Variants in ELFN1 observed in about 807,000 individuals in gnomAD.
ELFN1 encodes protein ELFN1.
Under a neutral mutation model 7.6 loss-of-function variants are expected in ELFN1, and 6 were observed. That is an observed-to-expected ratio of 0.79 (90% CI 0.43 to 1.56). The LOEUF is 1.56. ELFN1 is among the 40% of genes most tolerant of loss of function. ELFN1 has a pLI of 0.01. For synonymous variants in ELFN1, 657 were observed against 588.1 expected (o/e 1.12, Z -1.70); for missense variants, 1,169 against 1,232.2 (o/e 0.95, Z 0.77).
chr7:1,727,377 T>C (rs577172544), intron 3 of ELFN1, among the ~76,000 whole-genome samples: 1 of 152,324 alleles, frequency 6.6e-6, no homozygotes, highest in African/African-American at 2.4e-5. Flanking sequence ...GAAGCTCAGC[T>C]GTTTCCAGAG....
intron 3 of ELFN1, among the ~76,000 whole-genome samples, chr7:1,731,435 TA>T (rs1043159725): frequency 6.6e-6 from 1 of 152,162 alleles, no homozygotes; most frequent in African/African-American, 2.4e-5. Context: ...CTGAAATTGG[TA>T]AAAGAAGAGA....
In ELFN1 at chr7:1,689,252, A is replaced by G. The variant is rs1404898362; in HGVS notation, c.-456+1102A>G. 3.9e-5 allele frequency among the ~76,000 whole-genome samples: 6 copies of G among 152,220 alleles called. 1 individual carries two copies. The highest frequency in any genetic ancestry group is 8.8e-5 in the Non-Finnish European group (6 of 68,036). The stretch of plus-strand genomic sequence containing the variant: ...ACTCAGCATACTGTATGTAGTGTGT[A>G]TATATGTGTGCATGCTCACGCATGT... On this transcript the variant is annotated intron_variant, in intron 2 of 3. Coordinates refer to ENST00000424383, the MANE Select transcript of ELFN1 (RefSeq NM_001128636.4).
At chr7:1,685,673 G>A (rs565065960) in intron 1 of ELFN1, among the ~76,000 whole-genome samples, 98 of 151,208 alleles carry the variant, frequency 6.5e-4, no homozygotes, top group Non-Finnish European at 1.2e-3. Context: ...CTTCATTGAG[G>A]TTTTGTGTTT....
chr7:1,701,080 T>C (rs1297111457), intron 2 of ELFN1, among the ~76,000 whole-genome samples: 1 of 149,962 alleles, frequency 6.7e-6, no homozygotes, highest in African/African-American at 2.5e-5. Flanking sequence ...TATGTGTGCG[T>C]GTGTGTGTGC....
In ELFN1 at chr7:1,746,616, TC is replaced by T. The variant is rs1231034713; in HGVS notation, c.2025del (p.Ala676ArgfsTer8). On this transcript the variant is annotated frameshift_variant, in exon 4 of 4. Transcript: ENST00000424383. LOFTEE classifies it low-confidence loss of function (END_TRUNC). ...AAEAKYIEKGSPAADAILTVT... is the reference protein window; with the variant it reads ...AAEAKYIEKGXPAADAILTVT... Reference sequence around the variant, plus strand: ...CGAGGCCAAGTACATCGAGAAGGGCTCCCCCGCGGCCGACGCCATCCTCACT... The same window carrying T: ...CGAGGCCAAGTACATCGAGAAGGGCTCCCCGCGGCCGACGCCATCCTCACT... 1.5e-6 allele frequency: 2 copies of T among 1,346,974 alleles called. No individual in the cohort carries two copies. Among genetic ancestry groups the T allele is most frequent in the East Asian group, 3.3e-5 (1 of 30,390 alleles). 83.4% of individuals were successfully genotyped at this position (1,346,974 alleles called of 1,614,324 possible).
intron 3 of ELFN1, among the ~76,000 whole-genome samples, chr7:1,732,683 C>T (rs943296812): frequency 1.3e-5 from 2 of 152,028 alleles, no homozygotes; most frequent in African/African-American, 4.8e-5. Flanking sequence ...ATGGAGTTCC[C>T]CGAGCCGCAA....
At position 1,746,586 on chromosome 7, in the gene ELFN1, G is replaced by A; in HGVS notation, c.1990G>A (p.Ala664Thr). ...AEAVGVHKAA[A>T]AEAKYIEKGS... ...GGCCGTCGGGGTGCACAAGGCCGCG[G>A]CCGCCGAGGCCAAGTACATCGAGAA... The change falls in exon 4 of 4, where the codon GCC becomes ACC. Residue 664 changes from alanine (A) to threonine (T), a missense_variant. Coordinates refer to ENST00000424383, the MANE Select transcript of ELFN1 (RefSeq NM_001128636.4). 1 of 1,345,562 alleles carries A rather than the reference G, an allele frequency of 7.4e-7. No homozygotes were observed. Among genetic ancestry groups the A allele is most frequent in the African/African-American group, 1.6e-5 (1 of 64,366 alleles). The allele number at this position is 1,345,562 out of a possible 1,614,324, so 83.4% of individuals were successfully genotyped here.
At chr7:1,742,881 C>A (rs202110575) in intron 3 of ELFN1, among the ~76,000 whole-genome samples, 1 of 152,196 alleles carries the variant, frequency 6.6e-6, no homozygotes, top group Non-Finnish European at 1.5e-5. Flanking sequence ...TAATTTAAAC[C>A]GCTTCAGTGC....
chr7:1,737,240 G>C (rs551620311), intron 3 of ELFN1, among the ~76,000 whole-genome samples: 1 of 152,266 alleles, frequency 6.6e-6, no homozygotes, highest in South Asian at 2.1e-4. Context: ...GCCCAGCCAA[G>C]CCTCCTCTTT....
At chr7:1,704,371 C>T (rs779255168) in intron 2 of ELFN1, among the ~76,000 whole-genome samples, 7 of 152,166 alleles carry the variant, frequency 4.6e-5, no homozygotes, top group Non-Finnish European at 1.0e-4. Context: ...AAAGGACCAG[C>T]GTTGTCTGGA....
At chr7:1,741,825 G>A (rs1031287565) in intron 3 of ELFN1, among the ~76,000 whole-genome samples, 2 of 152,188 alleles carry the variant, frequency 1.3e-5, no homozygotes, top group Non-Finnish European at 2.9e-5. Context: ...CCCAGCCCCA[G>A]ACGCACCAGA....
intron 2 of ELFN1, among the ~76,000 whole-genome samples, chr7:1,698,794 C>T (rs1241150410): frequency 1.3e-5 from 2 of 152,120 alleles, no homozygotes; most frequent in Non-Finnish European, 2.9e-5. Context: ...GAAACTTAAA[C>T]ATTTGAGATG....
At chr7:1,729,036 G>A (rs1257129248) in intron 3 of ELFN1, among the ~76,000 whole-genome samples, 1 of 152,166 alleles carries the variant, frequency 6.6e-6, no homozygotes, top group Admixed American at 6.5e-5. Context: ...CTGCTCAGGA[G>A]GCAAACTCAG....
At chr7:1,677,710 G>C (rs533248986) in intron 1 of ELFN1, among the ~76,000 whole-genome samples, 2 of 152,044 alleles carry the variant, frequency 1.3e-5, no homozygotes, top group South Asian at 4.2e-4. Flanking sequence ...ATGAATGATC[G>C]TGGCTCTGAT....
chr7:1,730,253 C>T (rs545681428), intron 3 of ELFN1, among the ~76,000 whole-genome samples: 13 of 152,316 alleles, frequency 8.5e-5, no homozygotes, highest in Middle Eastern at 3.4e-3. Context: ...CAGGACTTTC[C>T]GGAACACATC....
At position 1,705,489 on chromosome 7, in the gene ELFN1, C is replaced by A. The variant is rs1289717678; in HGVS notation, c.-455-3602C>A. Among the ~76,000 whole-genome samples the A allele has an allele frequency of 6.6e-6, 1 of 152,184 alleles. No individual in the cohort carries two copies. The highest frequency in any genetic ancestry group is 2.4e-5 in the African/African-American group (1 of 41,456). On this transcript the variant is annotated intron_variant, in intron 2 of 3. Transcript: ENST00000424383. This position sits in a 1 kb window ranked among gnomAD's most constrained non-coding sequence, Gnocchi z 4.3. ...CAGGGTGCCAGGGGAGTGAGTCCAG[C>A]GTGGCAGCCGCCACTGCCTGCCCGA...
intron 1 of ELFN1, among the ~76,000 whole-genome samples, chr7:1,683,091 A>G (rs546855475): frequency 6.6e-6 from 1 of 151,928 alleles, no homozygotes; most frequent in Non-Finnish European, 1.5e-5. Flanking sequence ...ATGAGGTTTA[A>G]AGGTCTGTTA....
At position 1,746,747 on chromosome 7, in the gene ELFN1, G is replaced by GC. The variant is rs1780812564; in HGVS notation, c.2157dup (p.Gly720ArgfsTer270). On this transcript the variant is annotated frameshift_variant, in exon 4 of 4. Transcript: ENST00000424383. LOFTEE classifies it low-confidence loss of function (END_TRUNC). ...GCTCCCACCCGGCCGAGCCACCTGC[G>GC]CCCCCCGGGCCACCGCCGCCGCCTC... is the stretch of plus-strand genomic sequence containing the variant. 7.4e-6 allele frequency: 11 copies of GC among 1,492,278 alleles called. No individual in the cohort carries two copies. The highest frequency in any genetic ancestry group is 4.5e-5 in the Admixed American group (2 of 44,624). 92.4% of individuals were successfully genotyped at this position (1,492,278 alleles called of 1,614,324 possible). A position where few individuals can be genotyped will look rare whatever the true frequency, so the allele number is the denominator to read the frequency against.
intron 3 of ELFN1, among the ~76,000 whole-genome samples, chr7:1,733,391 G>A (rs1233428684): frequency 6.6e-6 from 1 of 152,136 alleles, no homozygotes; most frequent in Non-Finnish European, 1.5e-5. Context: ...TGATGGGCGT[G>A]GGGACAGCAA....
Sources: gnomAD v4.1 joint callset for allele counts (sites outside exome capture counted in the v4.1 genomes callset) on GRCh38, gnomAD v4.1.1 for gene constraint, Gnocchi (gnomAD v3.1) non-coding constraint, MANE v1.5 for transcripts, NCBI Gene and HGNC (gene_info 2026-07-23, HGNC 2026-07-21) for gene names.